Variants in ZNF398 observed in about 807,000 individuals in gnomAD.
ZNF398 encodes the protein zinc finger DNA binding protein ZER6.
In ZNF398, 18 loss-of-function variants were observed where a neutral mutation model predicts 41.9. That is an observed-to-expected ratio of 0.43 (90% CI 0.30 to 0.64). ZNF398 has a LOEUF of 0.64. ZNF398 is among the 30% of genes least tolerant of loss of function. The pLI is 0.14. For missense variants in ZNF398, 669 were observed against 822.8 expected (o/e 0.81, Z 2.29); for synonymous variants, 260 against 308.8 (o/e 0.84, Z 1.66).
chr7:149,135,326 C>T (rs1199193797), intron 2 of ZNF398, among the ~76,000 whole-genome samples: 7 of 135,930 alleles, frequency 5.1e-5, no homozygotes, highest in African/African-American at 1.4e-4. Flanking sequence ...GGAGGTGGAG[C>T]TTGCAGTGTG....
intron 2 of ZNF398, among the ~76,000 whole-genome samples, chr7:149,138,341 A>AGGC (rs2129519485): frequency 6.6e-6 from 1 of 152,262 alleles, no homozygotes; most frequent in East Asian, 1.9e-4. Context: ...GCACTTTGGG[A>AGGC]GGCCGAGGTG....
At chr7:149,170,215 A>C (rs1421073113) in intron 4 of ZNF398, among the ~76,000 whole-genome samples, 3 of 152,216 alleles carry the variant, frequency 2.0e-5, no homozygotes, top group Non-Finnish European at 4.4e-5. Context: ...TGAGAAATGC[A>C]TCATTAGTTG....
At chr7:149,145,054 C>T (rs968643578), upstream of ZNF398, among the ~76,000 whole-genome samples, 2 of 151,886 alleles carry the variant, frequency 1.3e-5, no homozygotes, top group African/African-American at 4.8e-5. Flanking sequence ...CAGGTAAATC[C>T]CAAATTACGG....
At chr7:149,174,233 T>C (rs754177213) in intron 4 of ZNF398, among the ~76,000 whole-genome samples, 4 of 152,200 alleles carry the variant, frequency 2.6e-5, no homozygotes, top group African/African-American at 4.8e-5. Context: ...TCTCTAGTTA[T>C]GAAAGTCCCA....
chr7:149,175,385 ATAGC>A (rs1290297338), intron 4 of ZNF398, among the ~76,000 whole-genome samples: 1 of 152,074 alleles, frequency 6.6e-6, no homozygotes, highest in Non-Finnish European at 1.5e-5. Context: ...CTAGGTTGTA[ATAGC>A]TAGCACAGCT....
intron 2 of ZNF398, among the ~76,000 whole-genome samples, chr7:149,164,069 G>A (rs1004614977): frequency 5.2e-4 from 78 of 150,364 alleles, no homozygotes; most frequent in Admixed American, 3.9e-3. Flanking sequence ...CCGAGATAGC[G>A]TCACTGCACT....
intron 2 of ZNF398, among the ~76,000 whole-genome samples, chr7:149,136,804 G>A (rs1005980743): frequency 3.3e-5 from 5 of 151,162 alleles, no homozygotes; most frequent in Non-Finnish European, 2.9e-5. Context: ...TCCTGACCTC[G>A]TGATCCACCT....
intron 2 of ZNF398, among the ~76,000 whole-genome samples, chr7:149,133,187 ATCACTGCAACTTCCGCCTCATTGG>A (rs748381599): frequency 6.6e-4 from 100 of 150,914 alleles, no homozygotes; most frequent in Non-Finnish European, 1.2e-3. Flanking sequence ...ACAATCTTGG[ATCACTGCAACTTCCGCCTCATTGG>A]TTCAGGCGAT....
chr7:149,181,764 A>G lies in ZNF398; in HGVS notation c.*1963A>G, dbSNP rs1795596900. 1 of 152,218 alleles carries G rather than the reference A, an allele frequency of 6.6e-6. No individual in the cohort carries two copies. The highest frequency in any genetic ancestry group is 2.1e-4 in the South Asian group (1 of 4,832). The allele number at this position is 152,218 out of a possible 1,614,324, so 9.4% of individuals were successfully genotyped here. A position where few individuals can be genotyped will look rare whatever the true frequency, so the allele number is the denominator to read the frequency against. ...AATACAGAACAAGACATGATGGGCA[A>G]TACCCTAGCATATTGGGATTAAGAG... On this transcript the variant is annotated 3_prime_UTR_variant, in exon 6 of 6. Transcript: ENST00000475153.
At chr7:149,144,642 G>C (rs1826895636), upstream of ZNF398, among the ~76,000 whole-genome samples, 1 of 150,550 alleles carries the variant, frequency 6.6e-6, no homozygotes, top group Non-Finnish European at 1.5e-5. Flanking sequence ...AGGCTGGAGT[G>C]CAATGGTGCA....
chr7:149,137,321 C>T (rs1826736052), intron 2 of ZNF398, among the ~76,000 whole-genome samples: 1 of 152,174 alleles, frequency 6.6e-6, no homozygotes, highest in African/African-American at 2.4e-5. Context: ...TGAGAGTAGA[C>T]ATCCTTGCCT....
intron 1 of ZNF398, among the ~76,000 whole-genome samples, chr7:149,126,901 G>C (rs1270077666): frequency 6.6e-6 from 1 of 152,204 alleles, no homozygotes; most frequent in Non-Finnish European, 1.5e-5. Flanking sequence ...CGCCCTTCTG[G>C]GCTCCCCGAG....
At position 149,179,864 on chromosome 7, in the gene ZNF398, G is replaced by A; in HGVS notation, c.*63G>A. 1 of 1,445,688 alleles carries A rather than the reference G, an allele frequency of 6.9e-7. No homozygotes were observed. The highest frequency in any genetic ancestry group is 9.3e-7 in the Non-Finnish European group (1 of 1,077,004). The allele number at this position is 1,445,688 out of a possible 1,614,324, so 89.6% of individuals were successfully genotyped here. A position where few individuals can be genotyped will look rare whatever the true frequency, so the allele number is the denominator to read the frequency against. On this transcript the variant is annotated 3_prime_UTR_variant, in exon 6 of 6. Coordinates refer to ENST00000475153, the MANE Select transcript of ZNF398 (RefSeq NM_170686.3). The surrounding 1 kb of genome is among the most constrained non-coding windows in gnomAD (Gnocchi z 6.1). ...CAGCAGGGCACAAAATCCAAGAGAA[G>A]GTCTGTGAGCCCCATCCAACACCCA...
At chr7:149,139,508 G>A (rs538054539) in intron 2 of ZNF398, among the ~76,000 whole-genome samples, 6 of 151,596 alleles carry the variant, frequency 4.0e-5, no homozygotes, top group Admixed American at 1.3e-4. Context: ...ACATCATGAC[G>A]TCAGGAGTTC....
intron 2 of ZNF398, among the ~76,000 whole-genome samples, chr7:149,131,453 A>C (rs543227534): frequency 3.3e-4 from 51 of 152,270 alleles, no homozygotes; most frequent in Non-Finnish European, 2.2e-4. Context: ...TTTGGGAGGC[A>C]GAGGCTGATG....
In ZNF398 at chr7:149,179,574, C is replaced by T. The variant is rs566359926; in HGVS notation, c.1702C>T (p.Pro568Ser). The change falls in exon 6 of 6, where the codon CCC becomes TCC. Residue 568 changes from proline to serine, a missense_variant. Pro to Ser is a moderately conservative substitution (Grantham distance 74, BLOSUM62 -1). Transcript: ENST00000475153. The surrounding 1 kb of genome is among the most constrained non-coding windows in gnomAD (Gnocchi z 6.1). The stretch of plus-strand genomic sequence containing the variant: ...CATCCACACCGGGGAGCGGCCCTAC[C>T]CCTGCTCCTACTGTGGCAGGAGCTT... ...QRIHTGERPYPCSYCGRSFRY... is the reference protein window; with the variant it reads ...QRIHTGERPYSCSYCGRSFRY... The T allele has an allele frequency of 3.1e-6, 5 of 1,614,202 alleles. No homozygotes were observed. The African/African-American group carries it at 6.7e-5, about 22-fold the overall frequency.
chr7:149,152,321 C>T (rs1443192995), intron 1 of ZNF398, among the ~76,000 whole-genome samples: 7 of 139,880 alleles, frequency 5.0e-5, no homozygotes, highest in Non-Finnish European at 7.6e-5. Context: ...AGTGCAGTGG[C>T]GCGAAGTTGG....
At position 149,180,040 on chromosome 7, in the gene ZNF398, C is replaced by A; in HGVS notation, c.*239C>A. 2.4e-6 allele frequency: 1 copy of A among 421,310 alleles called. No individual in the cohort carries two copies. The highest frequency in any genetic ancestry group is 5.3e-5 in the South Asian group (1 of 18,746). The allele number at this position is 421,310 out of a possible 1,614,324, so 26.1% of individuals were successfully genotyped here. On this transcript the variant is annotated 3_prime_UTR_variant, in exon 6 of 6. Coordinates refer to ENST00000475153, the MANE Select transcript of ZNF398 (RefSeq NM_170686.3). ...AAGGAGCCCAGCATGTCCATCTTTT[C>A]AAAGATACAACAAAAGCAGAAGTTA...
chr7:149,158,136 GAA>G (rs1365603369), intron 2 of ZNF398, among the ~76,000 whole-genome samples: 1 of 151,592 alleles, frequency 6.6e-6, no homozygotes, highest in African/African-American at 2.4e-5. Context: ...TGAGGTAGAG[GAA>G]AAAACAAACA....
Sources: gnomAD v4.1 joint callset for allele counts (sites outside exome capture counted in the v4.1 genomes callset) on GRCh38, gnomAD v4.1.1 for gene constraint, Gnocchi (gnomAD v3.1) non-coding constraint, MANE v1.5 for transcripts, NCBI Gene and HGNC (gene_info 2026-07-23, HGNC 2026-07-21) for gene names.